The following DPP6 variants were observed in gnomAD, a reference collection of about 807,000 sequenced individuals.
DPP6 encodes A-type potassium channel modulatory protein DPP6.
A neutral mutation model predicts 122.6 loss-of-function variants in DPP6; 69 were observed. The ratio of observed to expected loss-of-function variants is 0.56; its 90% CI spans 0.46 to 0.69. The LOEUF (loss-of-function observed/expected upper bound fraction) is 0.69, where lower values mean the gene tolerates loss of function less well. Ranked by LOEUF, DPP6 falls within the 30% of genes least tolerant of loss-of-function variation. DPP6 has a pLI of 0.00. For missense variants in DPP6, 928 were observed against 1,116.9 expected, an observed-to-expected ratio of 0.83 and a Z score of 2.41; for synonymous variants, 418 against 433.1, an observed-to-expected ratio of 0.97 and a Z score of 0.43.
chr7:154,888,032 C>T (rs1280541329), intron 23 of DPP6, among the ~76,000 whole-genome samples: 2 of 151,520 alleles, frequency 1.3e-5, no homozygotes, highest in East Asian at 3.9e-4. Flanking sequence ...ACCTGATGTG[C>T]ACAGGACTCC....
At chr7:154,059,975 C>T (rs1801438103) in intron 1 of DPP6, among the ~76,000 whole-genome samples, 1 of 152,104 alleles carries the variant, frequency 6.6e-6, no homozygotes, top group Non-Finnish European at 1.5e-5. Context: ...TGAGATCCAT[C>T]CCCTCTTCCC....
chr7:154,882,807 T>C (rs1327130291), intron 21 of DPP6, among the ~76,000 whole-genome samples: 3 of 152,118 alleles, frequency 2.0e-5, no homozygotes, highest in Non-Finnish European at 4.4e-5. Context: ...TGACAATAAA[T>C]ATTATTTGTC....
chr7:154,062,013 C>T lies in DPP6; in HGVS notation c.243+8950C>T, dbSNP rs1181218542. Among the ~76,000 whole-genome samples the T allele has an allele frequency of 6.1e-4, 58 of 95,268 alleles. 5 individuals carry two copies. The highest frequency in any genetic ancestry group is 7.0e-3 in the Middle Eastern group (1 of 142). The allele number at this position is 95,268 out of a possible 152,430, so 62.5% of individuals were successfully genotyped here. On this transcript the variant is annotated intron_variant, in intron 1 of 25. Coordinates refer to ENST00000377770, the MANE Select transcript of DPP6 (RefSeq NM_130797.4). ...CCCCTGGCTGTTGGTACCCCCATCG[C>T]AGGGGGGGGGAGGCACCCCCCGCGA...
intron 1 of DPP6, among the ~76,000 whole-genome samples, chr7:154,247,358 T>G (rs1165276862): frequency 6.6e-6 from 1 of 152,172 alleles, no homozygotes; most frequent in African/African-American, 2.4e-5. Flanking sequence ...AAAATTATAT[T>G]CAATTCCATT....
rs542102419 is a variant in DPP6 at position 154,760,921 on chromosome 7, G to A, written c.884-8496G>A. ...GCAATCTCGACTCACTGCAACCTCC[G>A]CTTCCCTGGTTCAAGCGATTCTCCT... On this transcript the variant is annotated intron_variant, in intron 8 of 25. Transcript: ENST00000377770. This position sits in a 1 kb window ranked among gnomAD's most constrained non-coding sequence, Gnocchi z 4.5. 3.5e-4 allele frequency among the ~76,000 whole-genome samples: 53 copies of A among 149,302 alleles called. No individual in the cohort carries two copies. The South Asian group carries it at 4.4e-3, about 13-fold the overall frequency.
At chr7:154,232,727 C>T (rs550530538) in intron 1 of DPP6, among the ~76,000 whole-genome samples, 11 of 152,256 alleles carry the variant, frequency 7.2e-5, no homozygotes, top group East Asian at 5.8e-4. Context: ...ATTCTACCTG[C>T]GGAGCTCACA....
chr7:153,757,258 A>C, the DPP6 span, among the ~76,000 whole-genome samples: 2 of 152,208 alleles, frequency 1.3e-5, no homozygotes. Context: ...TTTTTATGAA[A>C]ATTTCAAATG....
chr7:153,805,340 A>C, the DPP6 span, among the ~76,000 whole-genome samples: 1 of 152,200 alleles, frequency 6.6e-6, no homozygotes, highest in Non-Finnish European at 1.5e-5. Context: ...CGCAGAGAGT[A>C]AGCCTCAGGA....
chr7:154,480,934 T>C (rs936835506), intron 3 of DPP6, among the ~76,000 whole-genome samples: 1 of 152,166 alleles, frequency 6.6e-6, no homozygotes, highest in Non-Finnish European at 1.5e-5. Flanking sequence ...CCACATCCGA[T>C]CCATCAAGAA....
intron 1 of DPP6, among the ~76,000 whole-genome samples, chr7:154,283,105 C>A (rs1804633210): frequency 6.6e-6 from 1 of 152,198 alleles, no homozygotes; most frequent in Admixed American, 6.5e-5. Context: ...GAATCGGGAC[C>A]AGTCTCATCT....
intron 1 of DPP6, among the ~76,000 whole-genome samples, chr7:154,101,935 C>CAAAAAAAAAAAA (rs915468915): frequency 2.4e-5 from 1 of 40,826 alleles, no homozygotes. Flanking sequence ...TACTCCATCT[C>CAAAAAAAAAAAA]AAAAAAAAAA....
intron 1 of DPP6, among the ~76,000 whole-genome samples, chr7:154,348,504 G>A (rs1022873473): frequency 2.6e-5 from 4 of 152,142 alleles, no homozygotes; most frequent in African/African-American, 4.8e-5. Context: ...TGGTGAAATC[G>A]CTGATTATTT....
intron 15 of DPP6, among the ~76,000 whole-genome samples, 166 bp from the exon 16 acceptor site, chr7:154,806,828 G>A (rs1187700659): frequency 6.6e-6 from 1 of 152,196 alleles, no homozygotes; most frequent in Non-Finnish European, 1.5e-5. Context: ...AATGGAGCTG[G>A]GTGGTCTCAG....
intron 1 of DPP6, among the ~76,000 whole-genome samples, chr7:154,144,098 A>T (rs1795975666): frequency 6.6e-6 from 1 of 152,012 alleles, no homozygotes; most frequent in Non-Finnish European, 1.5e-5. Flanking sequence ...TTGCCAACCT[A>T]ATAGATGGTA....
At chr7:153,903,850 A>T (rs990968671) in intron 1 of DPP6, among the ~76,000 whole-genome samples, 1 of 152,146 alleles carries the variant, frequency 6.6e-6, no homozygotes, top group Non-Finnish European at 1.5e-5. Context: ...CTCTTTCTGT[A>T]TCCCAGGAAG....
chr7:154,764,687 G>T (rs1795793094), intron 8 of DPP6, among the ~76,000 whole-genome samples: 1 of 152,134 alleles, frequency 6.6e-6, no homozygotes, highest in Non-Finnish European at 1.5e-5. Context: ...AGACCCCATA[G>T]TTCTTTCTGG....
chr7:154,714,103 C>G (rs984128508), intron 7 of DPP6, among the ~76,000 whole-genome samples: 1 of 152,214 alleles, frequency 6.6e-6, no homozygotes, highest in Non-Finnish European at 1.5e-5. Flanking sequence ...AGTTCCTTAT[C>G]TTCATCTGAG....
At chr7:154,187,398 C>T (rs74819481) in intron 1 of DPP6, among the ~76,000 whole-genome samples, 2 of 152,098 alleles carry the variant, frequency 1.3e-5, no homozygotes, top group Admixed American at 6.6e-5. Context: ...TGAATGTGCA[C>T]GAGAGCCAAA....
chr7:153,767,692 G>T, the DPP6 span, among the ~76,000 whole-genome samples: 5 of 152,066 alleles, frequency 3.3e-5, no homozygotes, highest in Admixed American at 6.5e-5. Flanking sequence ...AAAAAAGTGA[G>T]AAACTTTTAA....
Sources: gnomAD v4.1 joint callset for allele counts (sites outside exome capture counted in the v4.1 genomes callset) on GRCh38, gnomAD v4.1.1 for gene constraint, Gnocchi (gnomAD v3.1) non-coding constraint, MANE v1.5 for transcripts, NCBI Gene and HGNC (gene_info 2026-07-23, HGNC 2026-07-21) for gene names.